MFSD8: variants seen among roughly 807,000 people sequenced by gnomAD.
MFSD8 encodes major facilitator superfamily domain containing 8.
In MFSD8, 55 loss-of-function variants were observed where a neutral mutation model predicts 66.4. That is an observed-to-expected ratio of 0.83 (90% CI 0.67 to 1.04). MFSD8 has a LOEUF of 1.04. MFSD8 is among the 50% of genes least tolerant of loss of function. The probability of loss-of-function intolerance (pLI) is 0.00; values close to 1 mark genes in which losing one functional copy is unlikely to be tolerated. For synonymous variants in MFSD8, 202 were observed against 212.8 expected (o/e 0.95, Z 0.44); for missense variants, 550 against 627.6 (o/e 0.88, Z 1.32).
chr4:127,943,712 T>C (rs1740576443), intron 4 of MFSD8, 40 bp downstream of exon 4: 5 of 1,613,388 alleles, frequency 3.1e-6, no homozygotes, highest in Non-Finnish European at 3.4e-6. Flanking sequence ...TCAGAATGAA[T>C]GTGAATATGA....
At chr4:127,925,519 C>T (rs563453882) in intron 9 of MFSD8, among the ~76,000 whole-genome samples, 2 of 152,256 alleles carry the variant, frequency 1.3e-5, no homozygotes, top group East Asian at 3.9e-4. Flanking sequence ...TAGAGAAATG[C>T]ATATCAAAAT....
At chr4:127,938,569 C>T (rs1472658839) in intron 7 of MFSD8, among the ~76,000 whole-genome samples, 31 of 139,066 alleles carry the variant, frequency 2.2e-4, no homozygotes, top group African/African-American at 2.2e-4. Flanking sequence ...GGCGACAGAG[C>T]GAAACTCTGT....
chr4:127,931,312 C>T (rs1476527979), intron 8 of MFSD8, among the ~76,000 whole-genome samples: 4 of 152,072 alleles, frequency 2.6e-5, no homozygotes, highest in Non-Finnish European at 5.9e-5. Context: ...TCCCTACATT[C>T]GATCTCTATT....
chr4:127,957,402 TA>T, intron 2 of MFSD8, 98 bp downstream of exon 2: 4 of 899,256 alleles, frequency 4.4e-6, no homozygotes, highest in Non-Finnish European at 7.2e-6. Flanking sequence ...TTTAGCACAA[TA>T]AAGATAATTT....
At chr4:127,920,902 A>T in intron 11 of MFSD8, 66 bp from the exon 12 acceptor site, 1 of 1,469,130 alleles carries the variant, frequency 6.8e-7, no homozygotes, top group Non-Finnish European at 9.3e-7. Flanking sequence ...AAGCAAAGAA[A>T]TGGTATTACC....
chr4:127,926,767 A>G (rs1284208415), intron 9 of MFSD8, among the ~76,000 whole-genome samples: 2 of 152,210 alleles, frequency 1.3e-5, no homozygotes, highest in Non-Finnish European at 2.9e-5. Context: ...TAATTTTAGA[A>G]CCTTATTAAA....
In MFSD8 at chr4:127,921,585, T is replaced by C; in HGVS notation, c.1289A>G (p.Tyr430Cys). The change falls in exon 11 of 12, where the codon TAT (tyrosine) becomes TGT (cysteine). Residue 430 changes from tyrosine to cysteine, a missense_variant. By Grantham distance (194) the Tyr-to-Cys change is radical. Transcript: ENST00000641686. ...ATAGGACATAAGATTGCAGACTGGA[T>C]AGCCTAATCCTATTAGCACAGCTGA... Reference protein sequence around the residue: ...LTSAVLIGLGYPVCNLMSYTL... With the variant: ...LTSAVLIGLGCPVCNLMSYTL... The C allele has an allele frequency of 1.2e-6, 2 of 1,614,196 alleles. No individual in the cohort carries two copies. Among genetic ancestry groups the C allele is most frequent in the Non-Finnish European group, 1.7e-6 (2 of 1,180,026 alleles).
At chr4:127,965,362 A>T, upstream of MFSD8, 1 of 613,600 alleles carries the variant, frequency 1.6e-6, no homozygotes, top group Non-Finnish European at 2.9e-6. Context: ...CGCGCCTCCC[A>T]TCCTGACGGG....
chr4:127,931,837 G>A (rs116096409), intron 8 of MFSD8, among the ~76,000 whole-genome samples: 4,097 of 152,166 alleles, frequency 0.027, 159 homozygotes, highest in African/African-American at 0.093. Context: ...TGCCAGGCGC[G>A]GAGGCTCACG....
chr4:127,943,596 G>A lies in MFSD8; in HGVS notation c.439+156C>T, dbSNP rs1444487553. 4.6e-6 allele frequency: 4 copies of A among 860,586 alleles called. No homozygotes were observed. In the East Asian group the frequency reaches 1.1e-4, roughly 23 times the overall value. The allele number at this position is 860,586 out of a possible 1,614,324, so 53.3% of individuals were successfully genotyped here. On this transcript the variant is annotated intron_variant, in intron 4 of 11. Transcript: ENST00000641686. The stretch of plus-strand genomic sequence containing the variant: ...GGTAATGAGAACATCATGAGCAAAG[G>A]CAAAATGATAAGAAAAATATTTGTT...
chr4:127,953,725 C>T (rs1438191996), intron 2 of MFSD8, among the ~76,000 whole-genome samples: 1 of 151,620 alleles, frequency 6.6e-6, no homozygotes, highest in Non-Finnish European at 1.5e-5. Flanking sequence ...CCTCGTGATC[C>T]GCCCGCCTCA....
intron 5 of MFSD8, among the ~76,000 whole-genome samples, chr4:127,940,517 T>TATAC (rs1491530708): frequency 5.1e-5 from 1 of 19,454 alleles, no homozygotes; most frequent in Non-Finnish European, 1.9e-4. Flanking sequence ...CTGTATATGG[T>TATAC]ATATATATAT....
intron 2 of MFSD8, among the ~76,000 whole-genome samples, chr4:127,955,315 G>A (rs899605532): frequency 4.6e-5 from 7 of 152,170 alleles, no homozygotes; most frequent in Middle Eastern, 3.4e-3. Context: ...GGCTGAGGCC[G>A]GTGGATCACG....
At position 127,952,783 on chromosome 4, in the gene MFSD8, T is replaced by C. The variant is rs188289903; in HGVS notation, c.155-2936A>G. Among the ~76,000 whole-genome samples, 55 of 147,710 alleles carry C rather than the reference T, an allele frequency of 3.7e-4. 1 individual carries two copies. In the East Asian group the frequency reaches 9.7e-3, roughly 26 times the overall value. ...TATTCAGGAGGCTGAGGCAGGAGAA[T>C]CGCTTGAACCCGGGAGGCAGAGGTT... On this transcript the variant is annotated intron_variant, in intron 2 of 11. Transcript: ENST00000641686.
At position 127,918,406 on chromosome 4, in the gene MFSD8, G is replaced by GT; in HGVS notation, c.*2223dup. 1 of 152,116 alleles carries GT rather than the reference G, an allele frequency of 6.6e-6. No homozygotes were observed. Among genetic ancestry groups the GT allele is most frequent in the Non-Finnish European group, 1.5e-5 (1 of 68,012 alleles). The allele number at this position is 152,116 out of a possible 1,614,324, so 9.4% of individuals were successfully genotyped here. A position where few individuals can be genotyped will look rare whatever the true frequency, so the allele number is the denominator to read the frequency against. On this transcript the variant is annotated 3_prime_UTR_variant, in exon 12 of 12. Coordinates refer to ENST00000641686, the MANE Select transcript of MFSD8 (RefSeq NM_001371596.2). ...GAAAATGCTCTCAATAAAAAGGAAAGTAAGAGTCATTTGTGTAAGGTTAAG... is the reference window on the plus strand; with the variant it reads ...GAAAATGCTCTCAATAAAAAGGAAAGTTAAGAGTCATTTGTGTAAGGTTAAG...
At chr4:127,926,523 C>T (rs1737237081) in intron 9 of MFSD8, among the ~76,000 whole-genome samples, 1 of 151,842 alleles carries the variant, frequency 6.6e-6, no homozygotes, top group Non-Finnish European at 1.5e-5. Context: ...TATTGGCTTT[C>T]CCCCTACTGG....
chr4:127,933,191 A>G (rs1180049566), intron 7 of MFSD8, 98 bp from the exon 8 acceptor site: 17 of 992,604 alleles, frequency 1.7e-5, no homozygotes, highest in Middle Eastern at 2.9e-4. Context: ...AAATTTATAA[A>G]TAAACATTTA....
rs543279039 is a variant in MFSD8 at position 127,930,504 on chromosome 4, T to C, written c.998+179A>G. On this transcript the variant is annotated intron_variant, in intron 9 of 11. Coordinates refer to ENST00000641686, the MANE Select transcript of MFSD8 (RefSeq NM_001371596.2). ...GTCAATTATATACTTTGTGAGAAATTTTGTTTTACCAAAGAAATGCTGTAA... is the reference window on the plus strand; with the variant it reads ...GTCAATTATATACTTTGTGAGAAATCTTGTTTTACCAAAGAAATGCTGTAA... Among the ~76,000 whole-genome samples, 9 of 152,286 alleles carry C rather than the reference T, an allele frequency of 5.9e-5. No homozygotes were observed. The East Asian group carries it at 1.7e-3, about 29-fold the overall frequency.
chr4:127,955,627 T>A (rs943879993), intron 2 of MFSD8, among the ~76,000 whole-genome samples: 1 of 151,992 alleles, frequency 6.6e-6, no homozygotes, highest in Admixed American at 6.6e-5. Flanking sequence ...ATATTAATTA[T>A]CTCAAACTGA....
Sources: gnomAD v4.1 joint callset for allele counts (sites outside exome capture counted in the v4.1 genomes callset) on GRCh38, gnomAD v4.1.1 for gene constraint, MANE v1.5 for transcripts, NCBI Gene and HGNC (gene_info 2026-07-23, HGNC 2026-07-21) for gene names.